The following CCDC186 variants were observed in gnomAD, a reference collection of about 807,000 sequenced individuals.
The protein encoded by CCDC186 is coiled-coil domain containing 186.
A neutral mutation model predicts 113.7 loss-of-function variants in CCDC186; 49 were observed. That is an observed-to-expected ratio of 0.43 (90% CI 0.34 to 0.55). CCDC186 has a LOEUF of 0.55. Ranked by LOEUF, CCDC186 falls within the 20% of genes least tolerant of loss-of-function variation. CCDC186 has a pLI of 0.02. For synonymous variants in CCDC186, 355 were observed against 345.8 expected (o/e 1.03, Z -0.30); for missense variants, 890 against 1,011.1 (o/e 0.88, Z 1.62).
At chr10:114,128,991 T>C (rs1041279881) in intron 13 of CCDC186, among the ~76,000 whole-genome samples, 5 of 152,010 alleles carry the variant, frequency 3.3e-5, no homozygotes, top group African/African-American at 1.2e-4. Flanking sequence ...TTGCACAGAA[T>C]AAAGCAGCAG....
intron 5 of CCDC186, 100 bp from the exon 6 acceptor site, chr10:114,144,716 C>A: frequency 1.9e-6 from 2 of 1,040,064 alleles, no homozygotes; most frequent in South Asian, 1.8e-5. Flanking sequence ...ACACTATAAT[C>A]AAGGGCTGGC....
chr10:114,143,340 C>T (rs1302011894), intron 6 of CCDC186, among the ~76,000 whole-genome samples: 1 of 152,204 alleles, frequency 6.6e-6, no homozygotes, highest in African/African-American at 2.4e-5. Context: ...GAAAGTACCA[C>T]AGATATCAGA....
intron 13 of CCDC186, 36 bp from the exon 14 acceptor site, chr10:114,127,707 T>A: frequency 6.7e-7 from 1 of 1,502,746 alleles, no homozygotes; most frequent in Non-Finnish European, 9.2e-7. Context: ...ATACTGTGCT[T>A]AATCTAACAT....
At chr10:114,150,007 G>T (rs1489200474) in intron 4 of CCDC186, among the ~76,000 whole-genome samples, 1 of 152,152 alleles carries the variant, frequency 6.6e-6, no homozygotes, top group African/African-American at 2.4e-5. Context: ...GATAGCAGGA[G>T]AGTTAAACAT....
Position 114,123,277 on chromosome 10 carries a change from T to C in CCDC186, c.*1866A>G, listed in dbSNP as rs2030786640. The C allele has an allele frequency of 6.6e-6, 1 of 152,592 alleles. No homozygotes were observed. Among genetic ancestry groups the C allele is most frequent in the Non-Finnish European group, 1.5e-5 (1 of 68,010 alleles). The allele number at this position is 152,592 out of a possible 1,614,324, so 9.5% of individuals were successfully genotyped here. A position where few individuals can be genotyped will look rare whatever the true frequency, so the allele number is the denominator to read the frequency against. On this transcript the variant is annotated 3_prime_UTR_variant, in exon 16 of 16. Coordinates refer to ENST00000369287, the MANE Select transcript of CCDC186 (RefSeq NM_018017.4). ...CACATTATGTTAAGACTAATACTTT[T>C]TATAACTATTCTAAAAATAAAACAT...
intron 6 of CCDC186, among the ~76,000 whole-genome samples, chr10:114,143,480 C>T (rs1317808350): frequency 6.6e-6 from 1 of 152,158 alleles, no homozygotes; most frequent in African/African-American, 2.4e-5. Flanking sequence ...GATGGCTTAG[C>T]CGTGTTGAGC....
intron 4 of CCDC186, among the ~76,000 whole-genome samples, chr10:114,147,818 T>C (rs1283324568): frequency 6.6e-6 from 1 of 152,024 alleles, no homozygotes; most frequent in Non-Finnish European, 1.5e-5. Flanking sequence ...ACAGTTGTAA[T>C]AGACAAGGTG....
intron 1 of CCDC186, among the ~76,000 whole-genome samples, chr10:114,166,413 T>C (rs2032337279): frequency 6.6e-6 from 1 of 152,196 alleles, no homozygotes; most frequent in Non-Finnish European, 1.5e-5. Context: ...CCAAATTTTC[T>C]CTCATCACAA....
At position 114,162,884 on chromosome 10, in the gene CCDC186, C is replaced by G; in HGVS notation, c.385G>C (p.Glu129Gln). Reference sequence around the variant, plus strand: ...GAATAAGTCTTTTCATTAGCTGATTCTGGAAATGTAGATGACCTTAATTCC... The same window carrying G: ...GAATAAGTCTTTTCATTAGCTGATTGTGGAAATGTAGATGACCTTAATTCC... ...LVELRSSTFP[E>Q]SANEKTYSES... The change falls in exon 2 of 16, where the codon GAA becomes CAA. Residue 129 changes from glutamate to glutamine, a missense_variant. Coordinates refer to ENST00000369287, the MANE Select transcript of CCDC186 (RefSeq NM_018017.4). 6.2e-7 allele frequency: 1 copy of G among 1,613,914 alleles called. No homozygotes were observed. Among genetic ancestry groups the G allele is most frequent in the Non-Finnish European group, 8.5e-7 (1 of 1,179,930 alleles).
At chr10:114,144,411 G>T in intron 6 of CCDC186, 86 bp downstream of exon 6, 1 of 1,475,692 alleles carries the variant, frequency 6.8e-7, no homozygotes, top group Non-Finnish European at 9.1e-7. Context: ...GAAAGAGCGA[G>T]ACTCCGTCTC....
At chr10:114,127,369 G>C (rs1416044780) in intron 14 of CCDC186, 92 bp downstream of exon 14, 3 of 1,133,202 alleles carry the variant, frequency 2.6e-6, no homozygotes, top group Admixed American at 2.6e-5. Context: ...TTGAAAGATA[G>C]GTTCTTGATA....
intron 2 of CCDC186, 170 bp downstream of exon 2, chr10:114,162,467 G>A (rs150595252): frequency 4.1e-5 from 21 of 514,972 alleles, no homozygotes; most frequent in African/African-American, 2.7e-4. Flanking sequence ...TGAAAAACTC[G>A]ACATTTGCTC....
At chr10:114,138,074 T>TAAAAAAAAAAAAAAAAAAAAAAAAAA (rs1564908459) in intron 6 of CCDC186, among the ~76,000 whole-genome samples, 1 of 73,678 alleles carries the variant, frequency 1.4e-5, no homozygotes, top group Non-Finnish European at 2.4e-5. Flanking sequence ...AAAAAAAAAA[T>TAAAAAAAAAAAAAAAAAAAAAAAAAA]AAAAAAAATA....
intron 6 of CCDC186, among the ~76,000 whole-genome samples, chr10:114,140,858 C>T (rs191682914): frequency 2.4e-4 from 37 of 151,830 alleles, no homozygotes; most frequent in Admixed American, 2.4e-3. Context: ...AACATCATTG[C>T]CTCATTGTCT....
At chr10:114,143,887 T>C (rs1452662158) in intron 6 of CCDC186, among the ~76,000 whole-genome samples, 1 of 152,208 alleles carries the variant, frequency 6.6e-6, no homozygotes, top group Non-Finnish European at 1.5e-5. Context: ...TTACCTCTAA[T>C]ATCAGCTCAG....
intron 4 of CCDC186, among the ~76,000 whole-genome samples, chr10:114,149,754 CAGGA>C (rs1182536298): frequency 4.4e-3 from 264 of 60,618 alleles, no homozygotes; most frequent in African/African-American, 9.3e-3. Context: ...GGCAGGAAGG[CAGGA>C]AGGAAGGAAG....
At position 114,149,830 on chromosome 10, in the gene CCDC186, A is replaced by AGGCAGGC. The variant is rs1564913038; in HGVS notation, c.888+1261_888+1262insGCCTGCC. 7.6e-4 allele frequency among the ~76,000 whole-genome samples: 83 copies of AGGCAGGC among 109,872 alleles called. 1 individual carries two copies. The highest frequency in any genetic ancestry group is 3.2e-3 in the African/African-American group (79 of 24,740). The allele number at this position is 109,872 out of a possible 152,430, so 72.1% of individuals were successfully genotyped here. A position where few individuals can be genotyped will look rare whatever the true frequency, so the allele number is the denominator to read the frequency against. The stretch of plus-strand genomic sequence containing the variant: ...GAAGGAAGGAAGGCAGGAAGGCAGG[A>AGGCAGGC]AGGCAGGAAGGCAGGCAGGCAGGCA... On this transcript the variant is annotated intron_variant, in intron 4 of 15. Coordinates refer to ENST00000369287, the MANE Select transcript of CCDC186 (RefSeq NM_018017.4).
At chr10:114,154,503 G>T (rs1384589318) in intron 3 of CCDC186, among the ~76,000 whole-genome samples, 1 of 151,952 alleles carries the variant, frequency 6.6e-6, no homozygotes, top group African/African-American at 2.4e-5. Flanking sequence ...AGAAATAGAA[G>T]ATCTGAATAG....
chr10:114,172,174 C>T (rs574705261), intron 1 of CCDC186, among the ~76,000 whole-genome samples: 3 of 152,250 alleles, frequency 2.0e-5, no homozygotes, highest in African/African-American at 7.2e-5. Context: ...TACTTTAACA[C>T]GAAACTGTTG....
Sources: gnomAD v4.1 joint callset for allele counts (sites outside exome capture counted in the v4.1 genomes callset) on GRCh38, gnomAD v4.1.1 for gene constraint, MANE v1.5 for transcripts, NCBI Gene and HGNC (gene_info 2026-07-23, HGNC 2026-07-21) for gene names.